PHTF2: variants seen among roughly 807,000 people sequenced by gnomAD.
PHTF2 encodes the protein putative homeodomain transcription factor 2, also known as protein PHTF2.
PHTF2 carries 60 observed loss-of-function variants against 101.2 expected under a neutral mutation model. The observed-to-expected ratio is 0.59, with a 90% CI of 0.48 to 0.73. PHTF2 has a LOEUF of 0.73. Among genes scored for constraint, PHTF2 ranks in the 30% least tolerant of loss-of-function variants. The probability of loss-of-function intolerance (pLI) is 0.00; values close to 1 mark genes in which losing one functional copy is unlikely to be tolerated. For missense variants in PHTF2, 747 were observed against 908.7 expected, an observed-to-expected ratio of 0.82 and a Z score of 2.29; for synonymous variants, 311 against 307.3, an observed-to-expected ratio of 1.01 and a Z score of -0.13.
chr7:77,910,024 C>G, intron 8 of PHTF2: 1 of 395,892 alleles, frequency 2.5e-6, no homozygotes, highest in Non-Finnish European at 4.5e-6. Context: ...TGTCCACTGA[C>G]CTGCCACTAT....
intron 5 of PHTF2, among the ~76,000 whole-genome samples, chr7:77,895,379 G>C (rs906801572): frequency 2.6e-5 from 4 of 152,060 alleles, no homozygotes; most frequent in Non-Finnish European, 5.9e-5. Flanking sequence ...AGAAGTAGGA[G>C]ATCCATGAGA....
intron 9 of PHTF2, among the ~76,000 whole-genome samples, chr7:77,916,895 A>G (rs1802982075): frequency 6.6e-6 from 1 of 152,058 alleles, no homozygotes; most frequent in Non-Finnish European, 1.5e-5. Flanking sequence ...TTTCAATTTG[A>G]GGTTGGTTGA....
Position 77,876,534 on chromosome 7 carries a change from T to C in PHTF2, c.148-17074T>C, listed in dbSNP as rs6955427. 7.0e-3 allele frequency among the ~76,000 whole-genome samples: 1,063 copies of C among 152,286 alleles called. 5 individuals are homozygous for C. Among genetic ancestry groups the C allele is most frequent in the African/African-American group, 0.024 (989 of 41,560 alleles). On this transcript the variant is annotated intron_variant, in intron 3 of 19. Coordinates refer to ENST00000416283, the Ensembl canonical transcript of PHTF2. ...GATATATAAAATATGAGCAACACTT[T>C]TATTAGTGGTAAAATGAAGATAATG...
intron 18 of PHTF2, among the ~76,000 whole-genome samples, chr7:77,953,002 C>T (rs1262223184): frequency 6.6e-6 from 1 of 152,142 alleles, no homozygotes; most frequent in Admixed American, 6.6e-5. Context: ...TCTCATTGCT[C>T]CCTAGTCTTT....
chr7:77,853,510 C>T (rs1183114740), intron 2 of PHTF2, among the ~76,000 whole-genome samples: 1 of 151,964 alleles, frequency 6.6e-6, no homozygotes, highest in Non-Finnish European at 1.5e-5. Context: ...TCTCGTGCCT[C>T]AGCCTCTTGA....
intron 19 of PHTF2, among the ~76,000 whole-genome samples, chr7:77,954,610 G>GTA (rs1295236333): frequency 0.038 from 3,080 of 82,076 alleles, 49 homozygotes; most frequent in East Asian, 0.046. Flanking sequence ...AACAAGTACT[G>GTA]TGTATATATA....
At chr7:77,805,051 G>A (rs1396225652) in intron 1 of PHTF2, among the ~76,000 whole-genome samples, 2 of 152,140 alleles carry the variant, frequency 1.3e-5, no homozygotes, top group Non-Finnish European at 2.9e-5. Flanking sequence ...GTAGGCTCTA[G>A]TTTTTCTTTG....
chr7:77,896,213 G>A lies in PHTF2; in HGVS notation c.216+2220G>A, dbSNP rs182690629. ...CAATTTTGTTGCATGCATAGCTTGC[G>A]TAGCAGTCAAGTCAGAGCTTTTGGG... is the stretch of plus-strand genomic sequence containing the variant. On this transcript the variant is annotated intron_variant, in intron 5 of 19. Coordinates refer to ENST00000416283, the Ensembl canonical transcript of PHTF2. 8.5e-5 allele frequency among the ~76,000 whole-genome samples: 13 copies of A among 152,162 alleles called. 1 individual carries two copies. The highest frequency in any genetic ancestry group is 8.5e-4 in the Admixed American group (13 of 15,278).
At chr7:77,859,854 T>A (rs1051963632) in intron 3 of PHTF2, among the ~76,000 whole-genome samples, 1 of 152,190 alleles carries the variant, frequency 6.6e-6, no homozygotes, top group African/African-American at 2.4e-5. Flanking sequence ...GAATTACAAG[T>A]GTGAGCCACC....
intron 3 of PHTF2, among the ~76,000 whole-genome samples, chr7:77,876,061 A>G (rs1798918699): frequency 6.6e-6 from 1 of 152,220 alleles, no homozygotes; most frequent in Non-Finnish European, 1.5e-5. Flanking sequence ...CTAGAATTCA[A>G]ATCTAGTTGG....
At chr7:77,884,374 A>G (rs751799428) in intron 3 of PHTF2, among the ~76,000 whole-genome samples, 4 of 151,826 alleles carry the variant, frequency 2.6e-5, no homozygotes, top group Admixed American at 6.6e-5. Context: ...TTTATCCCTC[A>G]TCTCCCCTTC....
chr7:77,847,987 C>T (rs1024776864), intron 2 of PHTF2, among the ~76,000 whole-genome samples: 7 of 152,170 alleles, frequency 4.6e-5, no homozygotes, highest in African/African-American at 1.7e-4. Context: ...TGGCTTATTT[C>T]ACTTAATATA....
chr7:77,862,325 G>A (rs1299348072), intron 3 of PHTF2, among the ~76,000 whole-genome samples: 1 of 152,098 alleles, frequency 6.6e-6, no homozygotes, highest in Non-Finnish European at 1.5e-5. Context: ...CTCTTTAGAA[G>A]TTAAGTGTTT....
intron 16 of PHTF2, among the ~76,000 whole-genome samples, chr7:77,946,603 A>G (rs569794029): frequency 1.3e-5 from 2 of 152,384 alleles, no homozygotes; most frequent in African/African-American, 4.8e-5. Flanking sequence ...TTTTGTTTCT[A>G]TAAACCAGAG....
intron 5 of PHTF2, among the ~76,000 whole-genome samples, chr7:77,899,685 G>A (rs754635551): frequency 6.6e-6 from 1 of 152,074 alleles, no homozygotes; most frequent in Non-Finnish European, 1.5e-5. Context: ...TCTCTTCTTT[G>A]TTTTAGATTC....
intron 1 of PHTF2, among the ~76,000 whole-genome samples, chr7:77,827,411 G>A (rs528583559): frequency 6.6e-6 from 1 of 152,196 alleles, no homozygotes; most frequent in East Asian, 1.9e-4. Context: ...CTAGAGTGTG[G>A]TGGTGCAGTC....
intron 1 of PHTF2, among the ~76,000 whole-genome samples, chr7:77,822,595 A>G (rs949883333): frequency 1.3e-5 from 2 of 152,106 alleles, no homozygotes; most frequent in Admixed American, 6.5e-5. Flanking sequence ...TTGCAGTGGC[A>G]GTGGGGGCTG....
intron 3 of PHTF2, among the ~76,000 whole-genome samples, chr7:77,860,466 T>C (rs10215731): frequency 0.24 from 37,041 of 152,088 alleles, 4,606 homozygotes; most frequent in South Asian, 0.29. Context: ...TATTTTTATT[T>C]AGCAACTTTG....
At chr7:77,897,822 A>C (rs928784448) in intron 5 of PHTF2, among the ~76,000 whole-genome samples, 1 of 152,138 alleles carries the variant, frequency 6.6e-6, no homozygotes, top group African/African-American at 2.4e-5. Context: ...CTGGTATTAC[A>C]GGCGCCCGCT....
Sources: gnomAD v4.1 joint callset for allele counts (sites outside exome capture counted in the v4.1 genomes callset) on GRCh38, gnomAD v4.1.1 for gene constraint, MANE v1.5 for transcripts, NCBI Gene and HGNC (gene_info 2026-07-23, HGNC 2026-07-21) for gene names.